Variants in EPM2A observed in about 807,000 individuals in gnomAD.
The protein encoded by EPM2A is EPM2A glucan phosphatase, laforin, also known as laforin.
A neutral mutation model predicts 26.5 loss-of-function variants in EPM2A; 21 were observed. The observed-to-expected ratio is 0.79, with a 90% confidence interval of 0.56 to 1.14. The LOEUF (loss-of-function observed/expected upper bound fraction) is 1.14, where lower values mean the gene tolerates loss of function less well. EPM2A is among the 50% of genes most tolerant of loss of function. The pLI, the probability that EPM2A is intolerant of heterozygous loss-of-function variation, is 0.00. For missense variants in EPM2A, 458 were observed against 440.8 expected, an observed-to-expected ratio of 1.04 and a Z score of -0.35; for synonymous variants, 217 against 177.6, an observed-to-expected ratio of 1.22 and a Z score of -1.76.
Position 145,710,836 on chromosome 6 carries a change from C to A in EPM2A, c.301+24362G>T, listed in dbSNP as rs139536860. 3.3e-3 allele frequency among the ~76,000 whole-genome samples: 504 copies of A among 151,912 alleles called. 1 individual carries two copies. Among genetic ancestry groups the A allele is most frequent in the African/African-American group, 0.01 (424 of 41,414 alleles). ...GTCCTTTGTAGTGACATAGATGAAG[C>A]TGGAAATCATCATTCTGAGCAAAGT... On this transcript the variant is annotated intron_variant, in intron 1 of 3. Coordinates refer to ENST00000367519, the MANE Select transcript of EPM2A (RefSeq NM_005670.4).
intron 4 of EPM2A, among the ~76,000 whole-genome samples, chr6:145,476,582 A>C (rs1779546333): frequency 6.6e-6 from 1 of 152,080 alleles, no homozygotes; most frequent in Non-Finnish European, 1.5e-5. Context: ...CATTTCAAAA[A>C]ATTAAAATAG....
chr6:145,645,259 A>G (rs962623881), intron 2 of EPM2A, among the ~76,000 whole-genome samples: 2 of 152,190 alleles, frequency 1.3e-5, no homozygotes, highest in Admixed American at 6.5e-5. Flanking sequence ...AGCCCAGGAC[A>G]TTCACATTTC....
At chr6:145,608,346 C>G (rs1257966823) in intron 2 of EPM2A, among the ~76,000 whole-genome samples, 1 of 152,138 alleles carries the variant, frequency 6.6e-6, no homozygotes, top group African/African-American at 2.4e-5. Context: ...AGCATGCATG[C>G]ACAGACATAT....
intron 2 of EPM2A, among the ~76,000 whole-genome samples, chr6:145,518,595 CAAAAAAAA>C (rs55802475): frequency 0.36 from 37,057 of 103,082 alleles, 5,381 homozygotes; most frequent in South Asian, 0.45. Context: ...TGAAATGCAC[CAAAAAAAA>C]AAAAAAAAAA....
At chr6:145,715,709 C>T (rs150731005) in intron 1 of EPM2A, among the ~76,000 whole-genome samples, 1 of 152,072 alleles carries the variant, frequency 6.6e-6, no homozygotes, top group Non-Finnish European at 1.5e-5. Context: ...GGAGTGCAAA[C>T]CCTATTGTGA....
At chr6:145,558,570 C>A (rs1380276392) in intron 2 of EPM2A, among the ~76,000 whole-genome samples, 5 of 151,840 alleles carry the variant, frequency 3.3e-5, no homozygotes, top group African/African-American at 1.2e-4. Flanking sequence ...TTTTCTTTTC[C>A]CTGCACCCTC....
intron 2 of EPM2A, among the ~76,000 whole-genome samples, chr6:145,652,668 A>G (rs1777968021): frequency 6.6e-6 from 1 of 151,898 alleles, no homozygotes; most frequent in South Asian, 2.1e-4. Context: ...CTGACTTAAA[A>G]TAGCACAGAT....
At chr6:145,615,672 T>C (rs1775495476) in intron 2 of EPM2A, among the ~76,000 whole-genome samples, 4 of 151,980 alleles carry the variant, frequency 2.6e-5, no homozygotes, top group African/African-American at 9.7e-5. Flanking sequence ...AAAATGCTGA[T>C]AGTGATATGG....
At chr6:145,419,684 C>A (rs989167208) in intron 4 of EPM2A, among the ~76,000 whole-genome samples, 1 of 152,116 alleles carries the variant, frequency 6.6e-6, no homozygotes, top group East Asian at 1.9e-4. Context: ...GCACTAAAGA[C>A]TAAAATTATC....
chr6:145,570,625 C>T (rs1228290140), intron 2 of EPM2A, among the ~76,000 whole-genome samples: 4 of 152,226 alleles, frequency 2.6e-5, no homozygotes, highest in Admixed American at 1.3e-4. Flanking sequence ...CCTTCTTCTA[C>T]TACCCATTCT....
intron 4 of EPM2A, among the ~76,000 whole-genome samples, chr6:145,471,201 A>G (rs2114725338): frequency 6.6e-6 from 1 of 152,294 alleles, no homozygotes; most frequent in South Asian, 2.1e-4. Flanking sequence ...GTTTGAATCT[A>G]TTGATTGATC....
At chr6:145,670,475 T>C (rs1051568643) in intron 2 of EPM2A, 2 of 152,182 alleles carry the variant, frequency 1.3e-5, no homozygotes. Context: ...CTGCTGATAA[T>C]ACACGAGGGA....
chr6:145,559,928 A>G (rs1266132541), intron 2 of EPM2A, among the ~76,000 whole-genome samples: 1 of 152,126 alleles, frequency 6.6e-6, no homozygotes, highest in Non-Finnish European at 1.5e-5. Context: ...AAATGATTAA[A>G]CAAAAAAAGT....
chr6:145,466,653 A>G (rs1344667861), intron 4 of EPM2A, among the ~76,000 whole-genome samples: 1 of 152,184 alleles, frequency 6.6e-6, no homozygotes, highest in African/African-American at 2.4e-5. Context: ...GTATATACCC[A>G]AAGGACTATA....
chr6:145,551,936 A>G (rs932914038), intron 2 of EPM2A, among the ~76,000 whole-genome samples: 1 of 151,918 alleles, frequency 6.6e-6, no homozygotes, highest in African/African-American at 2.4e-5. Flanking sequence ...TAGATTCGAT[A>G]TAGAACCAAA....
chr6:145,722,821 G>A (rs1196091153), intron 1 of EPM2A: 3 of 442,820 alleles, frequency 6.8e-6, no homozygotes, highest in Non-Finnish European at 1.4e-5. Flanking sequence ...GAGACAAAAA[G>A]AGAAGATGGT....
At position 145,388,825 on chromosome 6, in the gene EPM2A, C is replaced by A. The variant is rs1778298503; in HGVS notation, c.556-4728G>T. 3.3e-5 allele frequency among the ~76,000 whole-genome samples: 5 copies of A among 152,216 alleles called. No homozygotes were observed. The South Asian group carries it at 1.0e-3, about 32-fold the overall frequency. ...GATGGTTTCCAGCTTCATCCATGTC[C>A]CTGCAAAGGACATGAATTCATCCTT... On this transcript the variant is annotated intron_variant, in intron 4 of 4. Coordinates refer to the EPM2A transcript ENST00000638717.
intron 4 of EPM2A, among the ~76,000 whole-genome samples, chr6:145,398,556 A>G (rs1778438298): frequency 6.6e-6 from 1 of 152,160 alleles, no homozygotes; most frequent in Admixed American, 6.6e-5. Flanking sequence ...TAAATCCATT[A>G]ACAATAAACA....
In EPM2A at chr6:145,690,459, G is replaced by A. The variant is rs371121175; in HGVS notation, c.302-4163C>T. ...CGGGAAGCGGAGCTTGCAGTGAGCC[G>A]AGATTGCGCCACTGCAGTCCGCAGT... On this transcript the variant is annotated intron_variant, in intron 1 of 3. Transcript: ENST00000367519. Among the ~76,000 whole-genome samples the A allele has an allele frequency of 3.4e-5, 5 of 145,940 alleles. 1 individual carries two copies. The highest frequency in any genetic ancestry group is 4.4e-4 in the South Asian group (2 of 4,592).
Sources: allele counts gnomAD v4.1 joint callset (sites outside exome capture counted in the v4.1 genomes callset), GRCh38; gene constraint gnomAD v4.1.1; transcripts MANE v1.5; gene names NCBI Gene and HGNC (gene_info 2026-07-23, HGNC 2026-07-21).